Variants in QSOX1 observed in about 807,000 individuals in gnomAD.
QSOX1 encodes the protein sulfhydryl oxidase 1.
Under a neutral mutation model 76.1 loss-of-function variants are expected in QSOX1, and 40 were observed. That is an observed-to-expected ratio of 0.53 (90% CI 0.41 to 0.68). QSOX1 has a LOEUF of 0.68. QSOX1 is among the 30% of genes least tolerant of loss of function. QSOX1 has a pLI of 0.00. For missense variants in QSOX1, 931 were observed against 974.3 expected, an observed-to-expected ratio of 0.96 and a Z score of 0.59; for synonymous variants, 392 against 413.1, an observed-to-expected ratio of 0.95 and a Z score of 0.62.
intron 1 of QSOX1, among the ~76,000 whole-genome samples, chr1:180,161,623 A>G (rs1205014453): frequency 6.6e-6 from 1 of 152,232 alleles, no homozygotes; most frequent in Non-Finnish European, 1.5e-5. Context: ...TTTGTTCACA[A>G]GAGTATACTT....
chr1:180,197,442 C>A lies in QSOX1; in HGVS notation c.*405C>A. Reference sequence around the variant, plus strand: ...GAGGAGGGTCCCCCAGCTGGGTGGGCTGGAATGGAACTCCTCACTAGCTGC... The same window carrying A: ...GAGGAGGGTCCCCCAGCTGGGTGGGATGGAATGGAACTCCTCACTAGCTGC... On this transcript the variant is annotated 3_prime_UTR_variant, in exon 12 of 12. Transcript: ENST00000367602. 1.3e-6 allele frequency: 2 copies of A among 1,552,434 alleles called. No individual in the cohort carries two copies. Among genetic ancestry groups the A allele is most frequent in the Non-Finnish European group, 1.8e-6 (2 of 1,129,274 alleles).
intron 5 of QSOX1, among the ~76,000 whole-genome samples, chr1:180,179,520 G>A (rs1188383528): frequency 6.6e-6 from 1 of 152,260 alleles, no homozygotes; most frequent in Non-Finnish European, 1.5e-5. Flanking sequence ...AAAGGGCCTG[G>A]ATTGCAGCTG....
rs200237514 is a variant in QSOX1, at chr1:180,190,544, G to T, written c.1252G>T (p.Ala418Ser). Reference sequence around the variant, plus strand: ...CCTCTTCCACTTCTTGACTGTGCAGGCAGCTCGGCAAAATGTAGACCACTC... The same window carrying T: ...CCTCTTCCACTTCTTGACTGTGCAGTCAGCTCGGCAAAATGTAGACCACTC... ...WVLFHFLTVQ[A>S]ARQNVDHSQE... Residue 418 changes from alanine (A) to serine (S), a missense_variant, in exon 10 of 12, where the codon GCA (alanine) becomes TCA (serine). Transcript: ENST00000367602. 1.2e-6 allele frequency: 2 copies of T among 1,614,152 alleles called. No homozygotes were observed. The highest frequency in any genetic ancestry group is 4.5e-5 in the East Asian group (2 of 44,884).
intron 8 of QSOX1, among the ~76,000 whole-genome samples, chr1:180,188,620 G>C (rs953145893): frequency 1.3e-5 from 2 of 152,240 alleles, no homozygotes; most frequent in Non-Finnish European, 2.9e-5. Flanking sequence ...AAGGTGTCCA[G>C]CCCAACGTTT....
chr1:180,191,691 G>A (rs1663319101), intron 10 of QSOX1, among the ~76,000 whole-genome samples: 1 of 152,262 alleles, frequency 6.6e-6, no homozygotes, highest in Non-Finnish European at 1.5e-5. Flanking sequence ...CGGAGCGGGT[G>A]CTGTCTGGAG....
intron 7 of QSOX1, among the ~76,000 whole-genome samples, chr1:180,184,494 C>CTACAGCA (rs3063018): frequency 0.77 from 116,231 of 151,456 alleles, 44,840 homozygotes; most frequent in Non-Finnish European, 0.78. Flanking sequence ...TGTGCAGACC[C>CTACAGCA]TACAGCATCC....
intron 5 of QSOX1, 108 bp downstream of exon 5, chr1:180,178,992 CT>C: frequency 1.0e-6 from 1 of 996,142 alleles, no homozygotes; most frequent in Non-Finnish European, 1.6e-6. Context: ...CTGCCTGGGT[CT>C]TTTAGCCTGG....
At chr1:180,158,284 G>T (rs775226227) in intron 1 of QSOX1, among the ~76,000 whole-genome samples, 1 of 152,214 alleles carries the variant, frequency 6.6e-6, no homozygotes, top group Admixed American at 6.5e-5. Context: ...TTCGTAAGGC[G>T]TGTGTTTGAG....
chr1:180,167,675 A>G (rs546080126), intron 2 of QSOX1, among the ~76,000 whole-genome samples: 2 of 152,360 alleles, frequency 1.3e-5, no homozygotes, highest in East Asian at 1.9e-4. Context: ...CTGTTACCAC[A>G]TAGGGTCAGG....
chr1:180,161,547 A>G (rs904401594), intron 1 of QSOX1, among the ~76,000 whole-genome samples: 2 of 152,250 alleles, frequency 1.3e-5, no homozygotes, highest in Admixed American at 6.5e-5. Flanking sequence ...TTGCCATAAA[A>G]ATAGGAATAT....
At chr1:180,166,366 GT>G in intron 1 of QSOX1, 124 bp from the exon 2 acceptor site, 2 of 719,318 alleles carry the variant, frequency 2.8e-6, no homozygotes. Context: ...TGTGACCTTT[GT>G]CATAAGAGCT....
In QSOX1 at chr1:180,202,924, A is replaced by C. The variant is rs1663663413; in HGVS notation, c.*5887A>C. On this transcript the variant is annotated 3_prime_UTR_variant, in exon 12 of 12. Transcript: ENST00000367602. ...AAACCCCCATCTCTACTAAAATATT[A>C]CACAGGCATTGTGGCACACATCTGT... is the stretch of plus-strand genomic sequence containing the variant. The C allele has an allele frequency of 1.3e-5, 2 of 152,080 alleles. No individual in the cohort carries two copies. The highest frequency in any genetic ancestry group is 2.9e-5 in the Non-Finnish European group (2 of 68,028). The allele number at this position is 152,080 out of a possible 1,614,324, so 9.4% of individuals were successfully genotyped here. A position where few individuals can be genotyped will look rare whatever the true frequency, so the allele number is the denominator to read the frequency against.
intron 5 of QSOX1, among the ~76,000 whole-genome samples, chr1:180,180,659 C>T (rs1219542157): frequency 2.6e-5 from 4 of 152,202 alleles, no homozygotes; most frequent in African/African-American, 9.6e-5. Flanking sequence ...GGACTACAGG[C>T]GCCCGCCACC....
chr1:180,176,139 T>C (rs1371146888), intron 4 of QSOX1, 106 bp downstream of exon 4: 3 of 874,688 alleles, frequency 3.4e-6, no homozygotes, highest in Non-Finnish European at 5.4e-6. Context: ...TTATTTTCCT[T>C]GCTGCCTTTG....
intron 11 of QSOX1, among the ~76,000 whole-genome samples, chr1:180,195,914 G>A (rs1391239716): frequency 6.6e-6 from 1 of 152,208 alleles, no homozygotes; most frequent in Non-Finnish European, 1.5e-5. Flanking sequence ...CCTTTCCCAT[G>A]TCTGGTACTG....
At chr1:180,156,498 A>G (rs754039775) in intron 1 of QSOX1, among the ~76,000 whole-genome samples, 6 of 152,194 alleles carry the variant, frequency 3.9e-5, no homozygotes, top group Non-Finnish European at 8.8e-5. Context: ...GTGCCTTTGT[A>G]GATGTTAGTT....
chr1:180,156,719 C>G (rs1037133903), intron 1 of QSOX1, among the ~76,000 whole-genome samples: 1 of 152,188 alleles, frequency 6.6e-6, no homozygotes. Context: ...TGCTTCACAC[C>G]ATTTCAACAC....
chr1:180,158,401 C>T (rs919481924), intron 1 of QSOX1, among the ~76,000 whole-genome samples: 4 of 152,234 alleles, frequency 2.6e-5, no homozygotes, highest in African/African-American at 9.6e-5. Context: ...AGAGTAGGAG[C>T]CCACTGCACG....
intron 1 of QSOX1, among the ~76,000 whole-genome samples, chr1:180,161,557 T>G (rs1662494190): frequency 1.3e-5 from 2 of 152,246 alleles, no homozygotes; most frequent in Non-Finnish European, 2.9e-5. Flanking sequence ...AATAGGAATA[T>G]TCACAAATAG....
Sources: gnomAD v4.1 joint callset for allele counts (sites outside exome capture counted in the v4.1 genomes callset) on GRCh38, gnomAD v4.1.1 for gene constraint, MANE v1.5 for transcripts, NCBI Gene and HGNC (gene_info 2026-07-23, HGNC 2026-07-21) for gene names.